Variants in RIPOR3 observed in about 807,000 individuals in gnomAD.
RIPOR3 encodes family with sequence similarity 65 member C.
In RIPOR3, 95 loss-of-function variants were observed where a neutral mutation model predicts 114.3. The ratio of observed to expected loss-of-function variants is 0.83; its 90% CI spans 0.70 to 0.99. The LOEUF is 0.99. Ranked by LOEUF, RIPOR3 falls within the 50% of genes least tolerant of loss-of-function variation. The pLI, the probability that RIPOR3 is intolerant of heterozygous loss-of-function variation, is 0.00. For synonymous variants in RIPOR3, 575 were observed against 543.8 expected, an observed-to-expected ratio of 1.06 and a Z score of -0.80; for missense variants, 1,252 against 1,266.9, an observed-to-expected ratio of 0.99 and a Z score of 0.18.
At chr20:50,665,452 G>A (rs867281481) in intron 1 of RIPOR3, among the ~76,000 whole-genome samples, 5 of 129,722 alleles carry the variant, frequency 3.9e-5, no homozygotes, top group Middle Eastern at 4.3e-3. Context: ...ATGGAGTCTC[G>A]CCCTGTCGCC....
rs1178313827 is a variant in RIPOR3, at chr20:50,602,255, G to A, written c.1476C>T (p.Gly492=). Residue 492 remains glycine (G), a synonymous_variant, in exon 13 of 22, where the codon GGC becomes GGT. Coordinates refer to ENST00000327979, the MANE Select transcript of RIPOR3 (RefSeq NM_001290268.2). The surrounding 1 kb of genome is among the most constrained non-coding windows in gnomAD (Gnocchi z 4.3). ...GGCCGTTCTGGCTACTCGAGGCTGT[G>A]CCGCTGTGGAACAGGGAGCCCTGTG... ...SLPQGSLFHS[G]TASSSQNGHE... is the part of the protein sequence containing the mutation. The A allele has an allele frequency of 3.1e-6, 5 of 1,613,822 alleles. No homozygotes were observed. The highest frequency in any genetic ancestry group is 4.2e-6 in the Non-Finnish European group (5 of 1,179,976).
In RIPOR3 at chr20:50,592,504, A is replaced by G. The variant is rs368643774; in HGVS notation, c.2417T>C (p.Val806Ala). ...CCGCTTCCCCTGCAGCTTCCGGACC[A>G]CCTTGGCCTGTCCCGCACAGTGAAG... The part of the protein sequence containing the change: ...EELHCAGQAK[V>A]VRKLQGKRLG... Residue 806 changes from valine to alanine, a missense_variant, in exon 19 of 22, where the codon GTG (valine) becomes GCG (alanine). By Grantham distance (64) the Val-to-Ala change is moderately conservative. Coordinates refer to ENST00000327979, the MANE Select transcript of RIPOR3 (RefSeq NM_001290268.2). The G allele has an allele frequency of 5.6e-6, 9 of 1,608,806 alleles. No individual in the cohort carries two copies. The highest frequency in any genetic ancestry group is 6.8e-6 in the Non-Finnish European group (8 of 1,177,504).
chr20:50,622,184 CTTTTTTT>C (rs1291668979), intron 2 of RIPOR3, among the ~76,000 whole-genome samples: 1 of 139,742 alleles, frequency 7.2e-6, no homozygotes, highest in Non-Finnish European at 1.6e-5. Flanking sequence ...CATCAGTTCT[CTTTTTTT>C]TTTTTTTTTT....
intron 2 of RIPOR3, among the ~76,000 whole-genome samples, chr20:50,621,732 C>A (rs2084414125): frequency 6.6e-6 from 1 of 152,178 alleles, no homozygotes; most frequent in African/African-American, 2.4e-5. Context: ...ACAGTGAGTT[C>A]CTGGATCTAG....
intron 9 of RIPOR3, 23 bp from the exon 10 acceptor site, chr20:50,608,761 C>A (rs2083825907): frequency 1.2e-6 from 2 of 1,613,192 alleles, no homozygotes; most frequent in Admixed American, 3.3e-5. Flanking sequence ...CCGAGAGGGG[C>A]CGCGTCAGCC....
intron 12 of RIPOR3, among the ~76,000 whole-genome samples, chr20:50,603,279 C>T (rs140483802): frequency 2.0e-3 from 300 of 152,300 alleles, no homozygotes; most frequent in African/African-American, 6.9e-3. Context: ...CGCTCTGTTG[C>T]CCAGGCTGGA....
intron 3 of RIPOR3, among the ~76,000 whole-genome samples, chr20:50,617,628 CTTT>C (rs71190578): frequency 4.5e-5 from 5 of 110,432 alleles, no homozygotes; most frequent in Non-Finnish European, 5.2e-5. Context: ...GGTGGTTTCC[CTTT>C]TTTTTTTTTT....
chr20:50,658,885 C>T (rs150180996), intron 1 of RIPOR3, among the ~76,000 whole-genome samples: 13 of 152,198 alleles, frequency 8.5e-5, no homozygotes, highest in South Asian at 8.3e-4. Context: ...TCCAAGGCTA[C>T]GTTATCCTGC....
intron 6 of RIPOR3, 78 bp downstream of exon 6, chr20:50,610,775 A>C: frequency 6.3e-7 from 1 of 1,598,110 alleles, no homozygotes; most frequent in East Asian, 2.2e-5. Flanking sequence ...GCACCTCCCC[A>C]GCTCCTGCTA....
intron 1 of RIPOR3, among the ~76,000 whole-genome samples, chr20:50,675,476 C>G (rs190985840): frequency 1.3e-5 from 2 of 152,206 alleles, no homozygotes; most frequent in African/African-American, 4.8e-5. Context: ...TTAAGGGACT[C>G]ATAGCTGGAT....
Position 50,592,254 on chromosome 20 carries a change from T to TCA in RIPOR3, c.2577+88_2577+89dup, listed in dbSNP as rs1444474804. 8.9e-6 allele frequency: 12 copies of TCA among 1,349,268 alleles called. No homozygotes were observed. The East Asian group carries it at 2.8e-4, about 32-fold the overall frequency. The allele number at this position is 1,349,268 out of a possible 1,614,324, so 83.6% of individuals were successfully genotyped here. A position where few individuals can be genotyped will look rare whatever the true frequency, so the allele number is the denominator to read the frequency against. ...TCACAGCTACTGCAGCCCCTGGCAC[T>TCA]CACTTCTTTGTACTTTTCCATGAGA... is the stretch of plus-strand genomic sequence containing the variant. On this transcript the variant is annotated intron_variant, in intron 19 of 21. Transcript: ENST00000327979.
At chr20:50,664,483 G>A (rs2086116076) in intron 1 of RIPOR3, among the ~76,000 whole-genome samples, 1 of 152,142 alleles carries the variant, frequency 6.6e-6, no homozygotes, top group Non-Finnish European at 1.5e-5. Context: ...TGCCTGGAGT[G>A]GAAATCTCCA....
chr20:50,613,966 C>A (rs995482224), intron 4 of RIPOR3, among the ~76,000 whole-genome samples: 1 of 152,312 alleles, frequency 6.6e-6, no homozygotes, highest in Admixed American at 6.5e-5. Context: ...CCTGCCCACC[C>A]CGAGGCCCTC....
chr20:50,609,600 C>G lies in RIPOR3; in HGVS notation c.549G>C (p.Leu183=). 1.4e-6 allele frequency: 2 copies of G among 1,416,896 alleles called. No homozygotes were observed. The highest frequency in any genetic ancestry group is 1.8e-6 in the Non-Finnish European group (2 of 1,089,320). The allele number at this position is 1,416,896 out of a possible 1,614,324, so 87.8% of individuals were successfully genotyped here. The change falls in exon 7 of 22, where the codon CTG becomes CTC. Residue 183 remains leucine (L), a synonymous_variant. Transcript: ENST00000327979. ...CGGCGCACTCGTGCAGGCTGCGGCC[C>G]AGCTCCTGCAGGCTCTCTCGGGCTG... The part of the protein sequence containing the change: ...SRAARESLQE[L]GRSLHECAED...
At chr20:50,686,880 C>T (rs1347516755) in intron 1 of RIPOR3, among the ~76,000 whole-genome samples, 10 of 152,180 alleles carry the variant, frequency 6.6e-5, no homozygotes, top group African/African-American at 7.2e-5. Context: ...GGGCCTTGTC[C>T]TTGGCCTGGA....
intron 1 of RIPOR3, among the ~76,000 whole-genome samples, chr20:50,679,173 G>C (rs1164383134): frequency 8.2e-6 from 1 of 122,488 alleles, no homozygotes; most frequent in Non-Finnish European, 1.7e-5. Flanking sequence ...CACAGAGAGA[G>C]AGAGATACAC....
chr20:50,680,585 G>A (rs937776291), intron 1 of RIPOR3, among the ~76,000 whole-genome samples: 3 of 152,354 alleles, frequency 2.0e-5, no homozygotes, highest in Non-Finnish European at 2.9e-5. Context: ...GTGTGCAGCC[G>A]CCTGTGCGAG....
At chr20:50,617,000 G>A (rs1051851059) in intron 3 of RIPOR3, among the ~76,000 whole-genome samples, 1 of 152,158 alleles carries the variant, frequency 6.6e-6, no homozygotes, top group Non-Finnish European at 1.5e-5. Flanking sequence ...AACTTAGCCG[G>A]GCATGGTGGC....
At chr20:50,618,912 T>A (rs1297371605) in intron 3 of RIPOR3, among the ~76,000 whole-genome samples, 4 of 152,054 alleles carry the variant, frequency 2.6e-5, no homozygotes, top group African/African-American at 9.7e-5. Context: ...CAGTCTCTAC[T>A]AAAAATACAA....
Sources: gnomAD v4.1 joint callset for allele counts (sites outside exome capture counted in the v4.1 genomes callset) on GRCh38, gnomAD v4.1.1 for gene constraint, Gnocchi (gnomAD v3.1) non-coding constraint, MANE v1.5 for transcripts, NCBI Gene and HGNC (gene_info 2026-07-23, HGNC 2026-07-21) for gene names.